CNR2: variants seen among roughly 807,000 people sequenced by gnomAD.
CNR2 encodes cannabinoid receptor 2 (macrophage).
For missense variants in CNR2, 379 were observed against 439.9 expected (o/e 0.86, Z 1.24); for synonymous variants, 172 against 182.2 (o/e 0.94, Z 0.45).
chr1:23,898,491 A>G (rs1403292275), intron 1 of CNR2, among the ~76,000 whole-genome samples: 11 of 144,804 alleles, frequency 7.6e-5, no homozygotes, highest in Admixed American at 1.4e-4. Context: ...ACAGGCGCCC[A>G]CCACCACGCC....
intron 1 of CNR2, among the ~76,000 whole-genome samples, chr1:23,883,807 A>G (rs1223289038): frequency 1.1e-4 from 17 of 152,208 alleles, no homozygotes. Flanking sequence ...TCTGGGTGAC[A>G]GAGCAAGACT....
At chr1:23,895,185 T>TCTCCA (rs1640259102) in intron 1 of CNR2, among the ~76,000 whole-genome samples, 1 of 151,928 alleles carries the variant, frequency 6.6e-6, no homozygotes, top group Non-Finnish European at 1.5e-5. Flanking sequence ...CACGCCACTG[T>TCTCCA]GCTCCAGCCT....
chr1:23,882,293 C>T (rs7541711), intron 1 of CNR2, among the ~76,000 whole-genome samples: 109,970 of 151,474 alleles, frequency 0.73, 40,671 homozygotes, highest in Middle Eastern at 0.79. Flanking sequence ...CTGGTTTTCA[C>T]GCTCACGTGT....
At chr1:23,890,765 AGAT>A (rs1640176674) in intron 1 of CNR2, among the ~76,000 whole-genome samples, 1 of 149,638 alleles carries the variant, frequency 6.7e-6, no homozygotes, top group African/African-American at 2.5e-5. Context: ...AAAAAGAAAT[AGAT>A]CAAAGTGACC....
Position 23,901,399 on chromosome 1 carries a change from T to A in CNR2, c.-46+11847A>T. 2.3e-6 allele frequency: 3 copies of A among 1,305,014 alleles called. No individual in the cohort carries two copies. The South Asian group carries it at 4.5e-5, about 20-fold the overall frequency. 80.8% of individuals were successfully genotyped at this position (1,305,014 alleles called of 1,614,324 possible). ...CAAGGTTAAGTGTGGCCTTTCATGG[T>A]GTCAAGAAGCAGTTAGTGTCCTGAT... On this transcript the variant is annotated intron_variant, in intron 1 of 1. Coordinates refer to ENST00000374472, the MANE Select transcript of CNR2 (RefSeq NM_001841.3).
chr1:23,890,946 T>C (rs1161144801), intron 1 of CNR2, among the ~76,000 whole-genome samples: 1 of 149,964 alleles, frequency 6.7e-6, no homozygotes, highest in Non-Finnish European at 1.5e-5. Flanking sequence ...TGGTGTGATC[T>C]CAGCTCACTG....
intron 1 of CNR2, among the ~76,000 whole-genome samples, chr1:23,896,881 G>GTTTTTTTTTTTTTTT (rs5773060): frequency 7.1e-6 from 1 of 141,804 alleles, no homozygotes; most frequent in Non-Finnish European, 1.5e-5. Flanking sequence ...CACCAGGAGT[G>GTTTTTTTTTTTTTTT]TTTTTTTTTT....
intron 1 of CNR2, among the ~76,000 whole-genome samples, chr1:23,876,655 G>A (rs368099747): frequency 2.0e-5 from 3 of 151,004 alleles, no homozygotes; most frequent in East Asian, 4.0e-4. Context: ...TTAACATGGT[G>A]AAACCCCGTC....
intron 1 of CNR2, among the ~76,000 whole-genome samples, chr1:23,876,986 G>A (rs773214330): frequency 1.6e-4 from 24 of 152,024 alleles, no homozygotes; most frequent in Non-Finnish European, 2.6e-4. Flanking sequence ...TATTTGGAGC[G>A]ATTCACTTTC....
At chr1:23,896,881 G>GTTTTTTTT (rs5773060) in intron 1 of CNR2, among the ~76,000 whole-genome samples, 2 of 141,806 alleles carry the variant, frequency 1.4e-5, no homozygotes, top group Non-Finnish European at 1.5e-5. Flanking sequence ...CACCAGGAGT[G>GTTTTTTTT]TTTTTTTTTT....
At chr1:23,894,157 ATG>A (rs1640236985) in intron 1 of CNR2, among the ~76,000 whole-genome samples, 2 of 149,564 alleles carry the variant, frequency 1.3e-5, no homozygotes, top group South Asian at 4.2e-4. Context: ...ACAGTGGCTC[ATG>A]CCTGTAATCC....
At chr1:23,887,795 A>G (rs961444058) in intron 1 of CNR2, among the ~76,000 whole-genome samples, 4 of 150,126 alleles carry the variant, frequency 2.7e-5, no homozygotes, top group African/African-American at 9.9e-5. Flanking sequence ...AGCTCATAAA[A>G]TAAATTGCTA....
chr1:23,879,692 G>A (rs1305289614), intron 1 of CNR2, among the ~76,000 whole-genome samples: 2 of 151,926 alleles, frequency 1.3e-5, no homozygotes, highest in Non-Finnish European at 2.9e-5. Flanking sequence ...TAGAGTTAAA[G>A]CTTTATCTAG....
At chr1:23,901,825 T>C in intron 1 of CNR2, 4 of 1,605,448 alleles carry the variant, frequency 2.5e-6, no homozygotes, top group Non-Finnish European at 3.4e-6. Flanking sequence ...CCGCAATAAA[T>C]ACCCTTCTGT....
chr1:23,882,533 C>A (rs1022666442), intron 1 of CNR2, among the ~76,000 whole-genome samples: 1 of 151,286 alleles, frequency 6.6e-6, no homozygotes, highest in Non-Finnish European at 1.5e-5. Context: ...CTATCAGGTG[C>A]GGTGGCTTAC....
chr1:23,902,449 C>T (rs1640416144), intron 1 of CNR2: 1 of 1,593,188 alleles, frequency 6.3e-7, no homozygotes, highest in African/African-American at 1.3e-5. Flanking sequence ...TACTTCTTAG[C>T]AGCCTACAGA....
chr1:23,910,303 C>T (rs1640562900), intron 1 of CNR2, among the ~76,000 whole-genome samples: 1 of 151,568 alleles, frequency 6.6e-6, no homozygotes, highest in African/African-American at 2.4e-5. Flanking sequence ...AGTTTCTCAC[C>T]TTGCAAATGT....
At position 23,872,551 on chromosome 1, in the gene CNR2, T is replaced by C. The variant is rs2502996; in HGVS notation, c.*1984A>G. 96,244 of 151,786 alleles carry C rather than the reference T, an allele frequency of 0.63. 30,909 individuals carry two copies. Among genetic ancestry groups the C allele is most frequent in the African/African-American group, 0.76 (31,281 of 41,400 alleles). 9.4% of individuals were successfully genotyped at this position (151,786 alleles called of 1,614,324 possible). On this transcript the variant is annotated 3_prime_UTR_variant, in exon 2 of 2. Coordinates refer to ENST00000374472, the MANE Select transcript of CNR2 (RefSeq NM_001841.3). Reference sequence around the variant, plus strand: ...CTGAACTAGGACAAAAGGTTAGTGGTTAAGAGGGCAGGCTTTGAAGTCAAA... The same window carrying C: ...CTGAACTAGGACAAAAGGTTAGTGGCTAAGAGGGCAGGCTTTGAAGTCAAA...
At chr1:23,899,895 GAAAGAAAGAA>G (rs1640361875) in intron 1 of CNR2, among the ~76,000 whole-genome samples, 1 of 3,524 alleles carries the variant, frequency 2.8e-4, no homozygotes, top group African/African-American at 3.3e-4. Flanking sequence ...GAAAGAAAGA[GAAAGAAAGAA>G]AGAGAAAGAA....
Sources: allele counts gnomAD v4.1 joint callset (sites outside exome capture counted in the v4.1 genomes callset), GRCh38; gene constraint gnomAD v4.1.1; transcripts MANE v1.5; gene names NCBI Gene and HGNC (gene_info 2026-07-23, HGNC 2026-07-21).